NUP107: variants seen among roughly 807,000 people sequenced by gnomAD.
NUP107 encodes the protein nucleoporin 107, also known as nuclear pore complex protein Nup107.
A neutral mutation model predicts 141.0 loss-of-function variants in NUP107; 101 were observed. The observed-to-expected ratio is 0.72, with a 90% confidence interval of 0.61 to 0.84. The LOEUF is 0.84. Among genes scored for constraint, NUP107 ranks in the 40% least tolerant of loss-of-function variants. The pLI, the probability that NUP107 is intolerant of heterozygous loss-of-function variation, is 0.00. For synonymous variants in NUP107, 319 were observed against 363.9 expected (o/e 0.88, Z 1.41); for missense variants, 941 against 1,102.7 (o/e 0.85, Z 2.08).
Position 68,719,656 on chromosome 12 carries a change from T to A in NUP107, c.1251+2T>A. 6.3e-7 allele frequency: 1 copy of A among 1,590,476 alleles called. No individual in the cohort carries two copies. The highest frequency in any genetic ancestry group is 8.6e-7 in the Non-Finnish European group (1 of 1,158,640). ...AGTTGCTGGAGAATGGCAGAAGATG[T>A]AAGATAAATAAAATATTCAGTGATA... On this transcript the variant is annotated splice_donor_variant, in intron 14 of 27. Transcript: ENST00000229179. LOFTEE classifies it high-confidence loss of function.
intron 12 of NUP107, among the ~76,000 whole-genome samples, chr12:68,716,379 C>T (rs536182690): frequency 9.2e-5 from 14 of 151,858 alleles, no homozygotes; most frequent in East Asian, 7.7e-4. Flanking sequence ...TACAGGTACA[C>T]GCCACTATGC....
chr12:68,721,229 A>G, intron 15 of NUP107, 52 bp downstream of exon 15: 1 of 1,167,678 alleles, frequency 8.6e-7, no homozygotes. Context: ...AAAATTAAAT[A>G]AAATATTCTA....
Position 68,690,736 on chromosome 12 carries a change from A to G in NUP107, c.293A>G (p.Asn98Ser), listed in dbSNP as rs1189646532. The G allele has an allele frequency of 1.2e-6, 2 of 1,614,012 alleles. No individual in the cohort carries two copies. Among genetic ancestry groups the G allele is most frequent in the East Asian group, 4.5e-5 (2 of 44,872 alleles). The change falls in exon 4 of 28, where the codon AAT becomes AGT. Residue 98 changes from asparagine (N) to serine (S), a missense_variant. By Grantham distance (46) the Asn-to-Ser change is conservative. Transcript: ENST00000229179. ...RLTQSSGFFG[N>S]LSMVTNLDDS... is the part of the protein sequence containing the mutation. ...ACGCAGTCTTCAGGGTTCTTTGGAAATCTCTCCATGGTATGTAGAAAAATA... is the reference window on the plus strand; with the variant it reads ...ACGCAGTCTTCAGGGTTCTTTGGAAGTCTCTCCATGGTATGTAGAAAAATA...
Position 68,687,022 on chromosome 12 carries a change from T to C in NUP107, c.-44T>C, listed in dbSNP as rs368280954. The C allele has an allele frequency of 3.4e-5, 55 of 1,614,102 alleles. No individual in the cohort carries two copies. In the African/African-American group the frequency reaches 4.9e-4, roughly 14 times the overall value. Reference sequence around the variant, plus strand: ...AGCGGGAAGGCTAAAACGCGGTAGCTAAACTGCAGCCAACTTTGGTTGTGT... The same window carrying C: ...AGCGGGAAGGCTAAAACGCGGTAGCCAAACTGCAGCCAACTTTGGTTGTGT... On this transcript the variant is annotated 5_prime_UTR_variant, in exon 1 of 28. Transcript: ENST00000229179.
chr12:68,690,900 TA>T (rs1875753124), intron 4 of NUP107, among the ~76,000 whole-genome samples, 154 bp downstream of exon 4: 1 of 152,108 alleles, frequency 6.6e-6, no homozygotes, highest in South Asian at 2.1e-4. Context: ...CTTAGCATGA[TA>T]AAACCCTGTC....
intron 24 of NUP107, 109 bp from the exon 25 acceptor site, chr12:68,734,599 T>C: frequency 1.2e-6 from 1 of 855,366 alleles, no homozygotes; most frequent in East Asian, 2.7e-5. Context: ...TTTTATTTCT[T>C]GATGCTGCAA....
intron 23 of NUP107, 25 bp downstream of exon 23, chr12:68,732,764 C>T: frequency 6.9e-7 from 1 of 1,442,274 alleles, no homozygotes; most frequent in East Asian, 2.3e-5. Flanking sequence ...TATGCAGCTT[C>T]AAACTCCTGG....
chr12:68,709,901 A>T lies in NUP107; in HGVS notation c.802-104A>T, dbSNP rs572732495. On this transcript the variant is annotated intron_variant, in intron 9 of 27. Coordinates refer to ENST00000229179, the MANE Select transcript of NUP107 (RefSeq NM_020401.4). ...GAGACTCTTTCTCAAAAAAAAAAAT[A>T]AAAAATCTGAAACTGTTTGAATTAA... 2.0e-5 allele frequency: 13 copies of T among 666,002 alleles called. No homozygotes were observed. The East Asian group carries it at 3.9e-4, about 20-fold the overall frequency. 41.3% of individuals were successfully genotyped at this position (666,002 alleles called of 1,614,324 possible). A position where few individuals can be genotyped will look rare whatever the true frequency, so the allele number is the denominator to read the frequency against.
rs2303042 is a variant in NUP107 at position 68,688,816 on chromosome 12, G to A, written c.9-146G>A. ...AAGCAGGATTTGGAGCCAGGAGTGC[G>A]TTCTCAACAAAAGATCTAAGACTTG... On this transcript the variant is annotated intron_variant, in intron 1 of 27. Transcript: ENST00000229179. 0.24 allele frequency: 118,189 copies of A among 498,500 alleles called. 16,048 individuals are homozygous for A. Among genetic ancestry groups the A allele is most frequent in the South Asian group, 0.46 (13,326 of 29,028 alleles). The allele number at this position is 498,500 out of a possible 1,614,324, so 30.9% of individuals were successfully genotyped here. A position where few individuals can be genotyped will look rare whatever the true frequency, so the allele number is the denominator to read the frequency against.
intron 6 of NUP107, among the ~76,000 whole-genome samples, chr12:68,698,100 A>G (rs1876157429): frequency 6.6e-6 from 1 of 152,082 alleles, no homozygotes; most frequent in Admixed American, 6.6e-5. Context: ...AAATAATGAG[A>G]TACTACAACA....
intron 26 of NUP107, among the ~76,000 whole-genome samples, chr12:68,736,680 G>A (rs1300669571): frequency 2.0e-5 from 3 of 148,300 alleles, no homozygotes; most frequent in African/African-American, 7.5e-5. Flanking sequence ...GCCTCCTGAA[G>A]TGCTGCGATT....
rs186621761 is a variant in NUP107, at chr12:68,710,781, T to C, written c.890+688T>C. Among the ~76,000 whole-genome samples the C allele has an allele frequency of 2.2e-3, 337 of 152,200 alleles. 2 individuals carry two copies. Among genetic ancestry groups the C allele is most frequent in the African/African-American group, 7.7e-3 (321 of 41,528 alleles). On this transcript the variant is annotated intron_variant, in intron 10 of 27. Transcript: ENST00000229179. The stretch of plus-strand genomic sequence containing the variant: ...TGCATAACATTTACGTTGTATTAGG[T>C]ATTCTAAGTAATCGAGATGATATAA...
At chr12:68,713,851 ATT>A in intron 11 of NUP107, 43 bp downstream of exon 11, 1 of 1,407,164 alleles carries the variant, frequency 7.1e-7, no homozygotes, top group Non-Finnish European at 9.7e-7. Context: ...AAGTTAACTG[ATT>A]TTTTTTTTCA....
intron 26 of NUP107, among the ~76,000 whole-genome samples, chr12:68,741,117 T>G (rs1214279313): frequency 6.6e-6 from 1 of 152,066 alleles, no homozygotes; most frequent in East Asian, 1.9e-4. Flanking sequence ...TTTCTAATTA[T>G]TTTAATTTTC....
chr12:68,735,192 T>C (rs2136048784), intron 25 of NUP107, 39 bp from the exon 26 acceptor site: 1 of 1,282,228 alleles, frequency 7.8e-7, no homozygotes, highest in Non-Finnish European at 1.1e-6. Flanking sequence ...ATTTATTGGG[T>C]TTTATCCATT....
At chr12:68,702,913 G>A (rs1019897421) in intron 8 of NUP107, 129 bp downstream of exon 8, 5 of 463,130 alleles carry the variant, frequency 1.1e-5, no homozygotes, top group South Asian at 6.4e-5. Flanking sequence ...GCGTGATCTC[G>A]GCTCACTGCA....
intron 6 of NUP107, among the ~76,000 whole-genome samples, chr12:68,698,006 C>T (rs1443374209): frequency 3.4e-5 from 5 of 144,942 alleles, no homozygotes; most frequent in African/African-American, 5.2e-5. Context: ...CCAGCCCGGG[C>T]GATAGAGTGA....
chr12:68,713,597 C>A, intron 10 of NUP107, 133 bp from the exon 11 acceptor site: 1 of 660,806 alleles, frequency 1.5e-6, no homozygotes, highest in Non-Finnish European at 2.6e-6. Context: ...AAATGTACTT[C>A]TGTATTAAGG....
At chr12:68,705,552 A>AC in intron 8 of NUP107, 1 of 249,780 alleles carries the variant, frequency 4.0e-6, no homozygotes, top group East Asian at 1.0e-4. Context: ...AAAAAAAAAA[A>AC]GAATCACCAA....
Sources: allele counts gnomAD v4.1 joint callset (sites outside exome capture counted in the v4.1 genomes callset), GRCh38; gene constraint gnomAD v4.1.1; transcripts MANE v1.5; gene names NCBI Gene and HGNC (gene_info 2026-07-23, HGNC 2026-07-21).